SEM1: variants seen among roughly 807,000 people sequenced by gnomAD.
SEM1 encodes the protein SEM1 26S proteasome subunit, also known as 26S proteasome complex subunit SEM1.
In SEM1, 3 loss-of-function variants were observed where a neutral mutation model predicts 12.7. The observed-to-expected ratio is 0.24, with a 90% CI of 0.11 to 0.61. The LOEUF is 0.61. Among genes scored for constraint, SEM1 ranks in the 20% least tolerant of loss-of-function variants. The pLI, the probability that SEM1 is intolerant of heterozygous loss-of-function variation, is 0.88. For missense variants in SEM1, 59 were observed against 81.3 expected, an observed-to-expected ratio of 0.73 and a Z score of 1.06; for synonymous variants, 30 against 27.8, an observed-to-expected ratio of 1.08 and a Z score of -0.25.
At chr7:96,616,094 T>G (rs1807712698) in intron 2 of SEM1, among the ~76,000 whole-genome samples, 1 of 152,238 alleles carries the variant, frequency 6.6e-6, no homozygotes, top group Non-Finnish European at 1.5e-5. Flanking sequence ...GTACTTCTAT[T>G]TTCAGCTCTT....
chr7:96,501,452 A>T lies in SEM1; in HGVS notation c.*60+5171T>A, dbSNP rs182086428. Among the ~76,000 whole-genome samples, 338 of 152,214 alleles carry T rather than the reference A, an allele frequency of 2.2e-3. 11 individuals carry two copies. Among genetic ancestry groups the T allele is most frequent in the Admixed American group, 0.022 (333 of 15,256 alleles). ...ATAGACCTTTCACACACACACAAAA[A>T]AACCCAATCTTTTTTGATTAATCAT... On this transcript the variant is annotated intron_variant and NMD_transcript_variant, in intron 3 of 3. Transcript: ENST00000466986.
chr7:96,552,935 C>A (rs1805336001), intron 2 of SEM1, among the ~76,000 whole-genome samples: 1 of 150,532 alleles, frequency 6.6e-6, no homozygotes, highest in African/African-American at 2.4e-5. Context: ...TTGCATTTCT[C>A]TGATGGCCAG....
At chr7:96,525,063 C>T (rs1391674305) in intron 2 of SEM1, among the ~76,000 whole-genome samples, 2 of 152,120 alleles carry the variant, frequency 1.3e-5, no homozygotes, top group Admixed American at 1.3e-4. Flanking sequence ...GCTGATTCTT[C>T]TCCAGCCTCA....
In SEM1 at chr7:96,693,790, GTA is replaced by G. The variant is rs532367417; in HGVS notation, c.170+1006_170+1007del. Among the ~76,000 whole-genome samples, 721 of 145,446 alleles carry G rather than the reference GTA, an allele frequency of 5.0e-3. 5 individuals carry two copies. The highest frequency in any genetic ancestry group is 9.9e-3 in the East Asian group (50 of 5,046). ...TGTGTGTGTGTGTGTGTGTGTGTGTGTATATATATATATATAAAATTTCTTTT... is the reference window on the plus strand; with the variant it reads ...TGTGTGTGTGTGTGTGTGTGTGTGTGTATATATATATATAAAATTTCTTTT... On this transcript the variant is annotated intron_variant, in intron 2 of 2. Coordinates refer to ENST00000248566, the MANE Select transcript of SEM1 (RefSeq NM_006304.2).
downstream of SEM1, among the ~76,000 whole-genome samples, chr7:96,668,522 A>G (rs1167061557): frequency 6.6e-6 from 1 of 152,212 alleles, no homozygotes; most frequent in Non-Finnish European, 1.5e-5. Context: ...TCTAAAAAGG[A>G]CTCAATGAAA....
In SEM1 at chr7:96,483,929, T is replaced by C. The variant is rs1215606937; in HGVS notation, c.317A>G (p.Asp106Gly). The change falls in exon 4 of 4, where the codon GAT becomes GGT. Residue 106 changes from aspartate (D) to glycine (G), a missense_variant. Transcript: ENST00000356686. Reference sequence around the variant, plus strand: ...ATGGCAGCCAGGCAGGCAAGAACAATCTTCACAGTGCACCAAGGATGGTGG... The same window carrying C: ...ATGGCAGCCAGGCAGGCAAGAACAACCTTCACAGTGCACCAAGGATGGTGG... The C allele has an allele frequency of 3.3e-6, 5 of 1,536,432 alleles. No homozygotes were observed. In the East Asian group the frequency reaches 9.8e-5, roughly 30 times the overall value.
At chr7:96,626,155 C>T (rs1425100753) in intron 2 of SEM1, among the ~76,000 whole-genome samples, 1 of 152,128 alleles carries the variant, frequency 6.6e-6, no homozygotes, top group Admixed American at 6.6e-5. Context: ...AACCATCCCA[C>T]CTCCCCTTCC....
chr7:96,558,435 C>T (rs1805596142), intron 2 of SEM1, among the ~76,000 whole-genome samples: 1 of 152,082 alleles, frequency 6.6e-6, no homozygotes, highest in Admixed American at 6.6e-5. Flanking sequence ...AAAAGGTCAA[C>T]CTGGGATGAG....
At chr7:96,678,842 TAA>T (rs1434350969) in intron 2 of SEM1, among the ~76,000 whole-genome samples, 1 of 152,130 alleles carries the variant, frequency 6.6e-6, no homozygotes, top group Non-Finnish European at 1.5e-5. Flanking sequence ...TCAGTTGACT[TAA>T]AGACAATTTT....
At chr7:96,593,601 C>T (rs971155924) in intron 2 of SEM1, among the ~76,000 whole-genome samples, 1 of 152,100 alleles carries the variant, frequency 6.6e-6, no homozygotes, top group Non-Finnish European at 1.5e-5. Context: ...AGATTAAGAC[C>T]TCCAGAAAAT....
intron 2 of SEM1, among the ~76,000 whole-genome samples, chr7:96,587,361 T>C (rs1806674349): frequency 6.6e-6 from 1 of 152,230 alleles, no homozygotes; most frequent in Non-Finnish European, 1.5e-5. Context: ...GAAAAAGGCT[T>C]CTGTTCTCTT....
intron 2 of SEM1, among the ~76,000 whole-genome samples, chr7:96,635,030 T>A (rs1297323401): frequency 6.6e-6 from 1 of 152,076 alleles, no homozygotes; most frequent in Admixed American, 6.6e-5. Context: ...CAGGAGCCTA[T>A]CAGAGTAGTC....
At chr7:96,621,061 T>C (rs1373574227), downstream of SEM1, among the ~76,000 whole-genome samples, 3 of 152,158 alleles carry the variant, frequency 2.0e-5, no homozygotes, top group Non-Finnish European at 2.9e-5. Context: ...ATGACCAGTA[T>C]AAAATTTGTA....
At chr7:96,688,651 A>C, downstream of SEM1, 1 of 244,632 alleles carries the variant, frequency 4.1e-6, no homozygotes, top group Non-Finnish European at 7.6e-6. Flanking sequence ...ATTAAAAAAA[A>C]AAAAGAAAAT....
chr7:96,609,309 C>A (rs906278770), intron 2 of SEM1, among the ~76,000 whole-genome samples: 14 of 152,180 alleles, frequency 9.2e-5, no homozygotes, highest in African/African-American at 3.4e-4. Flanking sequence ...CCCAGCCTAG[C>A]ATTAAGGGCA....
chr7:96,626,508 T>C (rs1440677161), intron 2 of SEM1, among the ~76,000 whole-genome samples: 1 of 152,134 alleles, frequency 6.6e-6, no homozygotes, highest in African/African-American at 2.4e-5. Context: ...GTTTTTTGAA[T>C]ATTTTTTATA....
chr7:96,658,808 G>T (rs1347134912), intron 2 of SEM1, among the ~76,000 whole-genome samples: 2 of 152,192 alleles, frequency 1.3e-5, no homozygotes, highest in Non-Finnish European at 2.9e-5. Context: ...TGGGGCAAAT[G>T]GTTGTGCTAG....
intron 2 of SEM1, chr7:96,664,060 T>C (rs908834751): frequency 1.3e-4 from 20 of 152,218 alleles, no homozygotes; most frequent in Non-Finnish European, 5.9e-5. Context: ...GAAATCAGTG[T>C]GTCATTAGCT....
At chr7:96,693,092 C>T (rs1295361939) in intron 2 of SEM1, among the ~76,000 whole-genome samples, 1 of 151,472 alleles carries the variant, frequency 6.6e-6, no homozygotes, top group East Asian at 1.9e-4. Flanking sequence ...CTTTATAGAG[C>T]CAATAAAAAA....
Sources: allele counts gnomAD v4.1 joint callset (sites outside exome capture counted in the v4.1 genomes callset), GRCh38; gene constraint gnomAD v4.1.1; transcripts MANE v1.5; gene names NCBI Gene and HGNC (gene_info 2026-07-23, HGNC 2026-07-21).